Variants in CTNND2 observed in about 807,000 individuals in gnomAD.
CTNND2 encodes catenin delta-2.
CTNND2 carries 22 observed loss-of-function variants against 144.4 expected under a neutral mutation model. That is an observed-to-expected ratio of 0.15 (90% CI 0.11 to 0.22). CTNND2 has a LOEUF of 0.22. CTNND2 is among the 10% of genes least tolerant of loss of function. The probability of loss-of-function intolerance (pLI) is 1.00; values close to 1 mark genes in which losing one functional copy is unlikely to be tolerated. For synonymous variants in CTNND2, 751 were observed against 695.6 expected, an observed-to-expected ratio of 1.08 and a Z score of -1.25; for missense variants, 1,353 against 1,618.8, an observed-to-expected ratio of 0.84 and a Z score of 2.82.
chr5:11,855,565 T>C (rs1795212993), intron 1 of CTNND2, among the ~76,000 whole-genome samples: 1 of 152,080 alleles, frequency 6.6e-6, no homozygotes, highest in Non-Finnish European at 1.5e-5. Flanking sequence ...AAAAACAAAA[T>C]CTAAAGATAA....
intron 9 of CTNND2, among the ~76,000 whole-genome samples, chr5:11,294,790 T>C (rs1189112099): frequency 6.6e-6 from 1 of 152,152 alleles, no homozygotes; most frequent in African/African-American, 2.4e-5. Flanking sequence ...CAACCCTTCA[T>C]GCTAAAAACT....
chr5:11,790,812 G>C (rs1791089945), intron 1 of CTNND2, among the ~76,000 whole-genome samples: 1 of 152,234 alleles, frequency 6.6e-6, no homozygotes, highest in Non-Finnish European at 1.5e-5. Context: ...TGAACACCAT[G>C]TGGTAGGGTC....
chr5:11,836,937 G>A (rs893499958), intron 1 of CTNND2, among the ~76,000 whole-genome samples: 4 of 152,160 alleles, frequency 2.6e-5, no homozygotes, highest in African/African-American at 9.7e-5. Flanking sequence ...CTCCAAGCGG[G>A]GCCGCTCTGG....
At chr5:11,237,325 A>C (rs1311402061) in intron 9 of CTNND2, among the ~76,000 whole-genome samples, 3 of 152,038 alleles carry the variant, frequency 2.0e-5, no homozygotes, top group African/African-American at 4.8e-5. Context: ...AGCCTAGTAA[A>C]TAGTTTTCAA....
At chr5:11,558,683 G>T (rs1776439774) in intron 3 of CTNND2, among the ~76,000 whole-genome samples, 1 of 152,056 alleles carries the variant, frequency 6.6e-6, no homozygotes, top group African/African-American at 2.4e-5. Context: ...ATATTGGTAG[G>T]TATACACAGG....
chr5:11,558,342 G>A (rs58450464), intron 3 of CTNND2, among the ~76,000 whole-genome samples: 365 of 14,888 alleles, frequency 0.025, 1 homozygote, highest in African/African-American at 0.091. Context: ...TGAGAAACAC[G>A]TGTGTGTGTG....
chr5:11,844,988 C>T (rs1175566257), intron 1 of CTNND2, among the ~76,000 whole-genome samples: 1 of 152,086 alleles, frequency 6.6e-6, no homozygotes, highest in East Asian at 1.9e-4. Context: ...TGAACGGGAG[C>T]TAGCGTGTGA....
intron 1 of CTNND2, among the ~76,000 whole-genome samples, chr5:11,783,818 C>G (rs191210681): frequency 6.6e-6 from 1 of 152,294 alleles, no homozygotes; most frequent in Admixed American, 6.5e-5. Context: ...TCCTACTTTC[C>G]TTCCCAGAGC....
At chr5:11,446,366 G>T (rs986338452) in intron 3 of CTNND2, among the ~76,000 whole-genome samples, 1 of 152,194 alleles carries the variant, frequency 6.6e-6, no homozygotes, top group East Asian at 1.9e-4. Flanking sequence ...CGGTTCATGG[G>T]AGGGTCGGGA....
At chr5:11,300,276 C>T (rs1291158946) in intron 9 of CTNND2, among the ~76,000 whole-genome samples, 2 of 152,150 alleles carry the variant, frequency 1.3e-5, no homozygotes, top group African/African-American at 4.8e-5. Flanking sequence ...GAACCAACCC[C>T]TCCTCCACTG....
At chr5:11,832,865 CAGA>C (rs1275416289) in intron 1 of CTNND2, among the ~76,000 whole-genome samples, 13 of 152,110 alleles carry the variant, frequency 8.5e-5, no homozygotes, top group Non-Finnish European at 1.8e-4. Context: ...TGCTTGAGCC[CAGA>C]AGGTCAAGGC....
At chr5:11,078,830 T>A (rs1411358776) in intron 16 of CTNND2, among the ~76,000 whole-genome samples, 1 of 140,472 alleles carries the variant, frequency 7.1e-6, no homozygotes, top group Non-Finnish European at 1.6e-5. Flanking sequence ...GCTAACGACC[T>A]ACTTTAGATA....
intron 9 of CTNND2, among the ~76,000 whole-genome samples, chr5:11,281,430 C>T (rs545985671): frequency 1.3e-5 from 2 of 152,328 alleles, no homozygotes; most frequent in South Asian, 4.1e-4. Flanking sequence ...CATGAAGCAA[C>T]AGCAAATAGC....
In CTNND2 at chr5:11,127,549, C is replaced by T. The variant is rs544452718; in HGVS notation, c.2160-9982G>A. ...ACCCGGAGGGCAAAGCTGAGGCTGA[C>T]GTTCGATAAGCTCTGGCCTGGAAAC... is the stretch of plus-strand genomic sequence containing the variant. On this transcript the variant is annotated intron_variant, in intron 12 of 21. Transcript: ENST00000304623. 5.3e-5 allele frequency among the ~76,000 whole-genome samples: 8 copies of T among 152,252 alleles called. No individual in the cohort carries two copies. In the East Asian group the frequency reaches 7.7e-4, roughly 15 times the overall value.
intron 2 of CTNND2, among the ~76,000 whole-genome samples, chr5:11,607,500 C>G (rs1248083678): frequency 6.6e-6 from 1 of 151,912 alleles, no homozygotes; most frequent in Non-Finnish European, 1.5e-5. Context: ...TTTTAAGAAA[C>G]AGCAAACATT....
chr5:11,714,449 C>T (rs114222732), intron 2 of CTNND2, among the ~76,000 whole-genome samples: 1,947 of 152,188 alleles, frequency 0.013, 33 homozygotes, highest in Non-Finnish European at 0.018. Context: ...TATGCATTTA[C>T]AGATTAGCAG....
chr5:11,087,524 T>C (rs956099926), intron 15 of CTNND2, among the ~76,000 whole-genome samples: 2 of 152,198 alleles, frequency 1.3e-5, no homozygotes, highest in Non-Finnish European at 2.9e-5. Flanking sequence ...CTTCAAATGA[T>C]GGGGTTACTC....
At chr5:11,507,080 C>T (rs778172345) in intron 3 of CTNND2, among the ~76,000 whole-genome samples, 12 of 152,196 alleles carry the variant, frequency 7.9e-5, no homozygotes, top group Non-Finnish European at 1.8e-4. Flanking sequence ...GACCTCATCA[C>T]CTTTCGCAGG....
At chr5:11,069,962 AC>A (rs1182323207) in intron 16 of CTNND2, among the ~76,000 whole-genome samples, 1 of 152,210 alleles carries the variant, frequency 6.6e-6, no homozygotes, top group Non-Finnish European at 1.5e-5. Flanking sequence ...TCAGCCCTCT[AC>A]CTTAGCAACC....
Sources: allele counts gnomAD v4.1 joint callset (sites outside exome capture counted in the v4.1 genomes callset), GRCh38; gene constraint gnomAD v4.1.1; transcripts MANE v1.5; gene names NCBI Gene and HGNC (gene_info 2026-07-23, HGNC 2026-07-21).